PACRGL: variants seen among roughly 807,000 people sequenced by gnomAD.
PACRGL encodes the protein parkin coregulated like.
A neutral mutation model predicts 34.5 loss-of-function variants in PACRGL; 38 were observed. That is an observed-to-expected ratio of 1.10 (90% CI 0.85 to 1.44). The LOEUF is 1.44. Among genes scored for constraint, PACRGL ranks in the 40% most tolerant of loss-of-function variants. The pLI is 0.00. For synonymous variants in PACRGL, 128 were observed against 100.1 expected (o/e 1.28, Z -1.66); for missense variants, 305 against 281.4 (o/e 1.08, Z -0.60).
the PACRGL span, among the ~76,000 whole-genome samples, chr4:20,760,017 G>C: frequency 6.6e-6 from 1 of 152,136 alleles, no homozygotes; most frequent in Admixed American, 6.5e-5. Flanking sequence ...ATCTGCATTT[G>C]GCAGTGGATG....
intron 8 of PACRGL, 35 bp downstream of exon 8, chr4:20,724,923 T>TA: frequency 7.7e-7 from 1 of 1,292,120 alleles, no homozygotes; most frequent in Non-Finnish European, 1.0e-6. Flanking sequence ...TCTTTTTTTT[T>TA]AACTTTTAGG....
intron 1 of PACRGL, among the ~76,000 whole-genome samples, chr4:20,703,518 G>A (rs1164419343): frequency 6.7e-6 from 1 of 148,486 alleles, no homozygotes; most frequent in Non-Finnish European, 1.5e-5. Flanking sequence ...GTGTTTGTGT[G>A]TGTGTATTTC....
chr4:20,748,558 TTTTATATATATATATATATATATATATA>T (rs1361389871), intron 8 of PACRGL, among the ~76,000 whole-genome samples: 51 of 118,556 alleles, frequency 4.3e-4, no homozygotes, highest in East Asian at 1.5e-3. Context: ...ACCTTCCAAA[TTTTATATATATATATATATATATATATA>T]TATATATATA....
downstream of PACRGL, chr4:20,734,574 G>C: frequency 4.7e-6 from 4 of 849,514 alleles, no homozygotes; most frequent in Non-Finnish European, 7.1e-6. Flanking sequence ...ATATTTTAAA[G>C]TTAAGAAATG....
At chr4:20,753,855 C>T (rs1168115252), downstream of PACRGL, among the ~76,000 whole-genome samples, 1 of 152,098 alleles carries the variant, frequency 6.6e-6, no homozygotes, top group Non-Finnish European at 1.5e-5. Flanking sequence ...TTGCATACAG[C>T]GGCTGCTTAA....
chr4:20,724,427 C>T (rs1430407253), intron 7 of PACRGL, among the ~76,000 whole-genome samples: 1 of 152,174 alleles, frequency 6.6e-6, no homozygotes, highest in East Asian at 1.9e-4. Flanking sequence ...TTATAAATTA[C>T]TCATGTAAAT....
At chr4:20,718,039 G>A (rs1261879502) in intron 7 of PACRGL, among the ~76,000 whole-genome samples, 1 of 151,660 alleles carries the variant, frequency 6.6e-6, no homozygotes, top group Admixed American at 6.6e-5. Flanking sequence ...TCTCCTTGAA[G>A]AGGTCCTTCA....
In PACRGL at chr4:20,730,828, C is replaced by CACTT. The variant is rs1243276685; in HGVS notation, c.*3491_*3494dup. ...GCACTTGTCAGTTGCATGTGAATAGCACTTACTGAGCTGTTTATGGTAGTG... is the reference window on the plus strand; with the variant it reads ...GCACTTGTCAGTTGCATGTGAATAGCACTTACTTACTGAGCTGTTTATGGTAGTG... On this transcript the variant is annotated 3_prime_UTR_variant, in exon 9 of 9. Transcript: ENST00000503585. Among the ~76,000 whole-genome samples the CACTT allele has an allele frequency of 1.3e-5, 2 of 152,132 alleles. No homozygotes were observed. The highest frequency in any genetic ancestry group is 4.8e-5 in the African/African-American group (2 of 41,426).
At position 20,730,400 on chromosome 4, in the gene PACRGL, A is replaced by G. The variant is rs758061670; in HGVS notation, c.*3059A>G. Among the ~76,000 whole-genome samples the G allele has an allele frequency of 5.3e-5, 8 of 152,208 alleles. No individual in the cohort carries two copies. The highest frequency in any genetic ancestry group is 2.4e-5 in the African/African-American group (1 of 41,456). ...TCTTTACTTGGTATTAATAGAGGATATTTCTCAAATCATAATGCCAAAATG... is the reference window on the plus strand; with the variant it reads ...TCTTTACTTGGTATTAATAGAGGATGTTTCTCAAATCATAATGCCAAAATG... On this transcript the variant is annotated 3_prime_UTR_variant, in exon 9 of 9. Coordinates refer to ENST00000503585, the MANE Select transcript of PACRGL (RefSeq NM_001258345.3).
intron 8 of PACRGL, among the ~76,000 whole-genome samples, chr4:20,741,812 T>A (rs1032137934): frequency 9.2e-5 from 14 of 152,106 alleles, no homozygotes; most frequent in African/African-American, 1.4e-4. Flanking sequence ...ACAAAATTGA[T>A]AGACTGCTAG....
At chr4:20,715,866 A>T (rs970298780) in intron 7 of PACRGL, among the ~76,000 whole-genome samples, 1 of 152,074 alleles carries the variant, frequency 6.6e-6, no homozygotes, top group Non-Finnish European at 1.5e-5. Flanking sequence ...CTGCACTTCA[A>T]AAAAAAACCA....
intron 8 of PACRGL, among the ~76,000 whole-genome samples, chr4:20,747,400 G>C (rs1396354352): frequency 6.6e-6 from 1 of 152,124 alleles, no homozygotes; most frequent in African/African-American, 2.4e-5. Context: ...AATTAAGACT[G>C]TGCTGGAATT....
chr4:20,759,130 A>G, the PACRGL span, among the ~76,000 whole-genome samples: 1 of 152,228 alleles, frequency 6.6e-6, no homozygotes, highest in Non-Finnish European at 1.5e-5. Context: ...GGTGTAATGT[A>G]TTCAGAAACA....
chr4:20,760,543 A>G, the PACRGL span, among the ~76,000 whole-genome samples: 3 of 152,210 alleles, frequency 2.0e-5, no homozygotes. Context: ...CCTTTGATAC[A>G]TAAACAGTGT....
At chr4:20,707,950 A>C in intron 4 of PACRGL, 80 bp downstream of exon 4, 1 of 1,119,142 alleles carries the variant, frequency 8.9e-7, no homozygotes, top group East Asian at 2.5e-5. Context: ...GTTTAAATGT[A>C]TTGTAAGTTT....
At chr4:20,750,819 A>G (rs1753476133) in intron 8 of PACRGL, among the ~76,000 whole-genome samples, 1 of 152,156 alleles carries the variant, frequency 6.6e-6, no homozygotes, top group Admixed American at 6.5e-5. Context: ...CTTTTAGCTC[A>G]TTGGCTCTAG....
downstream of PACRGL, among the ~76,000 whole-genome samples, chr4:20,755,493 C>T (rs1754327205): frequency 6.6e-6 from 1 of 152,216 alleles, no homozygotes; most frequent in Admixed American, 6.5e-5. Context: ...AGTGCTATTA[C>T]TTGTCAGCCA....
At chr4:20,760,184 T>G in the PACRGL span, among the ~76,000 whole-genome samples, 1 of 152,168 alleles carries the variant, frequency 6.6e-6, no homozygotes, top group Non-Finnish European at 1.5e-5. Flanking sequence ...TAGATTCTCA[T>G]GAACAGTCCC....
chr4:20,721,374 G>C (rs775876565), intron 7 of PACRGL, among the ~76,000 whole-genome samples: 5 of 152,186 alleles, frequency 3.3e-5, no homozygotes, highest in Admixed American at 1.3e-4. Context: ...GTGAGGAGTT[G>C]TGTTCCTTTG....
Sources: allele counts gnomAD v4.1 joint callset (sites outside exome capture counted in the v4.1 genomes callset), GRCh38; gene constraint gnomAD v4.1.1; transcripts MANE v1.5; gene names NCBI Gene and HGNC (gene_info 2026-07-23, HGNC 2026-07-21).